Variants in RSRC2 observed in about 807,000 individuals in gnomAD.
The protein encoded by RSRC2 is arginine and serine rich coiled-coil 2, also known as arginine/serine-rich coiled-coil protein 2.
A neutral mutation model predicts 61.3 loss-of-function variants in RSRC2; 5 were observed. That is an observed-to-expected ratio of 0.08 (90% CI 0.04 to 0.17). The LOEUF is 0.17. Among genes scored for constraint, RSRC2 ranks in the 10% least tolerant of loss-of-function variants. The pLI, the probability that RSRC2 is intolerant of heterozygous loss-of-function variation, is 1.00. For missense variants in RSRC2, 381 were observed against 518.8 expected (o/e 0.73, Z 2.58); for synonymous variants, 202 against 166.5 (o/e 1.21, Z -1.64).
At chr12:122,512,481 A>G (rs1278900072) in intron 6 of RSRC2, among the ~76,000 whole-genome samples, 2 of 152,150 alleles carry the variant, frequency 1.3e-5, no homozygotes, top group Non-Finnish European at 2.9e-5. Flanking sequence ...TAATTCCAAC[A>G]CTATGGGAGG....
chr12:122,514,826 T>C, intron 6 of RSRC2: 2 of 738,362 alleles, frequency 2.7e-6, no homozygotes, highest in Non-Finnish European at 3.7e-6. Flanking sequence ...AAAAAAAGTT[T>C]CAAATGCAAA....
chr12:122,517,365 G>A lies in RSRC2; in HGVS notation c.464C>T (p.Ser155Leu), dbSNP rs367924996. Reference protein sequence around the residue: ...SRSRSRERKKSRSRSRERKKS... With the variant: ...SRSRSRERKKLRSRSRERKKS... ...CTTCCTCTCTCTGCTTCTGGATCTC[G>A]ATTTCTTCCGCTCCCTACTCCTGGA... Residue 155 changes from serine (S) to leucine (L), a missense_variant, in exon 5 of 10, where the codon TCG (serine) becomes TTG (leucine). Ser to Leu is a moderately radical substitution (Grantham distance 145, BLOSUM62 -2). Coordinates refer to ENST00000331738, the MANE Select transcript of RSRC2 (RefSeq NM_023012.6). 4 of 1,613,882 alleles carry A rather than the reference G, an allele frequency of 2.5e-6. No homozygotes were observed. The highest frequency in any genetic ancestry group is 1.1e-5 in the South Asian group (1 of 91,076).
intron 7 of RSRC2, among the ~76,000 whole-genome samples, chr12:122,509,461 C>A (rs534375275): frequency 8.1e-5 from 12 of 147,928 alleles, no homozygotes; most frequent in Admixed American, 2.7e-4. Context: ...AAAAAAAAAA[C>A]AAAAACAAAA....
intron 8 of RSRC2, 68 bp downstream of exon 8, chr12:122,508,150 C>T (rs1167645584): frequency 1.4e-6 from 2 of 1,395,308 alleles, no homozygotes; most frequent in East Asian, 4.6e-5. Context: ...TTTTTCAACC[C>T]AAATTTGTTT....
chr12:122,514,270 G>GTTTT (rs71085815), intron 6 of RSRC2, among the ~76,000 whole-genome samples: 2,101 of 135,214 alleles, frequency 0.016, 60 homozygotes, highest in African/African-American at 0.049. Context: ...GTGTGTGTGT[G>GTTTT]TTTTTTTTTT....
chr12:122,510,339 G>C (rs1958404959), intron 7 of RSRC2, among the ~76,000 whole-genome samples: 1 of 151,868 alleles, frequency 6.6e-6, no homozygotes, highest in African/African-American at 2.4e-5. Context: ...CACCATCCTG[G>C]TTCAACACGG....
intron 1 of RSRC2, 25 bp from the exon 2 acceptor site, chr12:122,522,324 A>G (rs367554313): frequency 7.0e-6 from 11 of 1,563,304 alleles, no homozygotes; most frequent in Middle Eastern, 1.8e-4. Context: ...ACAAATGATT[A>G]AAGTTCTTAA....
At position 122,504,197 on chromosome 12, in the gene RSRC2, A is replaced by G. The variant is rs969095388; in HGVS notation, c.*1330T>C. On this transcript the variant is annotated 3_prime_UTR_variant, in exon 10 of 10. Transcript: ENST00000331738. Reference sequence around the variant, plus strand: ...TCTTCCCTGATTGTAATGTGCTCTCATTCTGTGATGTTTTCCAAAGGATTT... The same window carrying G: ...TCTTCCCTGATTGTAATGTGCTCTCGTTCTGTGATGTTTTCCAAAGGATTT... 6.6e-6 allele frequency: 1 copy of G among 152,170 alleles called. No homozygotes were observed. The highest frequency in any genetic ancestry group is 1.5e-5 in the Non-Finnish European group (1 of 68,048). The allele number at this position is 152,170 out of a possible 1,614,324, so 9.4% of individuals were successfully genotyped here. A position where few individuals can be genotyped will look rare whatever the true frequency, so the allele number is the denominator to read the frequency against.
Position 122,505,559 on chromosome 12 carries a change from T to C in RSRC2, c.1273A>G (p.Thr425Ala). 2 of 1,613,932 alleles carry C rather than the reference T, an allele frequency of 1.2e-6. No individual in the cohort carries two copies. Among genetic ancestry groups the C allele is most frequent in the Non-Finnish European group, 1.7e-6 (2 of 1,179,922 alleles). The change falls in exon 10 of 10, where the codon ACA becomes GCA. Residue 425 changes from threonine (T) to alanine (A), a missense_variant. Physicochemically the swap from Thr to Ala is moderately conservative, Grantham distance 58 (BLOSUM62 0). Coordinates refer to ENST00000331738, the MANE Select transcript of RSRC2 (RefSeq NM_023012.6). Reference protein sequence around the residue: ...HTQRGMGLGFTSSMRGMDAV With the variant: ...HTQRGMGLGFASSMRGMDAV ...GCATCCATTCCTCGCATTGAAGATG[T>C]GAAACCCAAACCCATTCCTCTTTGT... is the stretch of plus-strand genomic sequence containing the variant.
chr12:122,514,913 C>T, intron 6 of RSRC2, 192 bp downstream of exon 6: 1 of 702,052 alleles, frequency 1.4e-6, no homozygotes, highest in East Asian at 3.1e-5. Flanking sequence ...AAATTGTAGA[C>T]ATCTCAATCT....
rs1391468782 is a variant in RSRC2, at chr12:122,511,164, T to C, written c.750A>G (p.Gln250=). The C allele has an allele frequency of 1.2e-6, 2 of 1,608,590 alleles. No homozygotes were observed. The highest frequency in any genetic ancestry group is 3.4e-5 in the Admixed American group (2 of 59,610). The change falls in exon 7 of 10, where the codon CAA becomes CAG. Residue 250 remains glutamine, a synonymous_variant. Transcript: ENST00000331738. The part of the protein sequence containing the change: ...ARRLERAKKL[Q]EQREKEMVEK... Reference sequence around the variant, plus strand: ...CAACCATTTCCTTTTCTCGCTGTTCTTGTAATTTCTTTGCCCTTTCCAACC... The same window carrying C: ...CAACCATTTCCTTTTCTCGCTGTTCCTGTAATTTCTTTGCCCTTTCCAACC...
At chr12:122,509,654 A>G (rs145575889) in intron 7 of RSRC2, among the ~76,000 whole-genome samples, 133 of 152,288 alleles carry the variant, frequency 8.7e-4, no homozygotes, top group Middle Eastern at 3.4e-3. Flanking sequence ...CATTATGGGA[A>G]CCAGAGTTAC....
At chr12:122,521,712 T>C (rs1489947238) in intron 2 of RSRC2, among the ~76,000 whole-genome samples, 1 of 152,250 alleles carries the variant, frequency 6.6e-6, no homozygotes, top group African/African-American at 2.4e-5. Context: ...AGTTTCCTAG[T>C]CTACAGCAAA....
chr12:122,507,196 G>A, intron 8 of RSRC2: 1 of 406,296 alleles, frequency 2.5e-6, no homozygotes, highest in African/African-American at 2.1e-5. Flanking sequence ...TGGATGACTA[G>A]GTGAAACCCC....
At chr12:122,512,670 T>A (rs1958614792) in intron 6 of RSRC2, among the ~76,000 whole-genome samples, 1 of 149,226 alleles carries the variant, frequency 6.7e-6, no homozygotes, top group African/African-American at 2.5e-5. Flanking sequence ...AGGCAGGGGT[T>A]GCAGTAAGCT....
In RSRC2 at chr12:122,518,964, T is replaced by C. The variant is rs376510488; in HGVS notation, c.273A>G (p.Lys91=). Reference sequence around the variant, plus strand: ...CTCTTCCTTTATCAGAAGAATGTTCTTTGTCATTATGTTCCTCAGACTTAT... The same window carrying C: ...CTCTTCCTTTATCAGAAGAATGTTCCTTGTCATTATGTTCCTCAGACTTAT... ...KKHKSEEHND[K]EHSSDKGRER... is the part of the protein sequence containing the mutation. The change falls in exon 4 of 10, where the codon AAA becomes AAG. Residue 91 remains lysine, a synonymous_variant. Transcript: ENST00000331738. 1.5e-5 allele frequency: 24 copies of C among 1,613,724 alleles called. No homozygotes were observed. The Admixed American group carries it at 1.7e-4, about 11-fold the overall frequency.
intron 6 of RSRC2, among the ~76,000 whole-genome samples, chr12:122,512,726 CAAA>C (rs575681568): frequency 1.2e-5 from 1 of 83,384 alleles, no homozygotes. Flanking sequence ...GACTTCATCT[CAAA>C]AAAAAAAAAA....
rs768894248 is a variant in RSRC2 at position 122,508,245 on chromosome 12, T to C, written c.1008A>G (p.Lys336=). 6.2e-7 allele frequency: 1 copy of C among 1,614,142 alleles called. No homozygotes were observed. The highest frequency in any genetic ancestry group is 1.1e-5 in the South Asian group (1 of 91,080). Reference sequence around the variant, plus strand: ...CTTCTTTCTTGCCCTGCCAAAGCATTTTCCTTTTTTTCTCTTGTTCAGCAA... The same window carrying C: ...CTTCTTTCTTGCCCTGCCAAAGCATCTTCCTTTTTTTCTCTTGTTCAGCAA... ...MKFAEQEKKR[K]MLWQGKKEGD... is the part of the protein sequence containing the mutation. The change falls in exon 8 of 10, where the codon AAA becomes AAG. Residue 336 remains lysine (K), a synonymous_variant. Coordinates refer to ENST00000331738, the MANE Select transcript of RSRC2 (RefSeq NM_023012.6).
At chr12:122,514,178 AG>A (rs1482365030) in intron 6 of RSRC2, among the ~76,000 whole-genome samples, 1 of 151,970 alleles carries the variant, frequency 6.6e-6, no homozygotes, top group East Asian at 1.9e-4. Context: ...ATAGTTTTGC[AG>A]ATTTCAATAT....
Sources: allele counts gnomAD v4.1 joint callset (sites outside exome capture counted in the v4.1 genomes callset), GRCh38; gene constraint gnomAD v4.1.1; transcripts MANE v1.5; gene names NCBI Gene and HGNC (gene_info 2026-07-23, HGNC 2026-07-21).